UBE2E1: variants seen among roughly 807,000 people sequenced by gnomAD.
UBE2E1 encodes ubiquitin-conjugating enzyme E2 E1.
UBE2E1 carries 6 observed loss-of-function variants against 21.4 expected under a neutral mutation model. The observed-to-expected ratio is 0.28, with a 90% CI of 0.15 to 0.55. The LOEUF (loss-of-function observed/expected upper bound fraction) is 0.55. UBE2E1 is among the 20% of genes least tolerant of loss of function. UBE2E1 has a pLI of 0.93. For missense variants in UBE2E1, 142 were observed against 236.5 expected (o/e 0.60, Z 2.62); for synonymous variants, 87 against 82.7 (o/e 1.05, Z -0.28).
intron 3 of UBE2E1, among the ~76,000 whole-genome samples, chr3:23,832,306 G>A (rs1427056577): frequency 6.6e-6 from 1 of 152,204 alleles, no homozygotes; most frequent in African/African-American, 2.4e-5. Flanking sequence ...AAAGGAGAAG[G>A]GACTGTGTTT....
chr3:23,879,183 C>A, intron 3 of UBE2E1: 1 of 825,946 alleles, frequency 1.2e-6, no homozygotes, highest in South Asian at 1.3e-5. Context: ...TTCTTCCATC[C>A]TTCCACATCT....
chr3:23,810,468 A>T lies in UBE2E1; in HGVS notation c.153-992A>T, dbSNP rs1281778315. 1 of 1,535,662 alleles carries T rather than the reference A, an allele frequency of 6.5e-7. No individual in the cohort carries two copies. The highest frequency in any genetic ancestry group is 1.2e-5 in the South Asian group (1 of 84,054). ...AGTCTATCCCCAGTGTGAGCTAGAG[A>T]GCGGACCATGAAGGAAGTGGGCAGA... On this transcript the variant is annotated intron_variant, in intron 2 of 5. Coordinates refer to ENST00000306627, the MANE Select transcript of UBE2E1 (RefSeq NM_003341.5). The surrounding 1 kb of genome is among the most constrained non-coding windows in gnomAD (Gnocchi z 5.8).
Position 23,890,744 on chromosome 3 carries a change from A to C in UBE2E1, c.*138A>C. 1.3e-6 allele frequency: 1 copy of C among 753,002 alleles called. No individual in the cohort carries two copies. 46.6% of individuals were successfully genotyped at this position (753,002 alleles called of 1,614,324 possible). On this transcript the variant is annotated 3_prime_UTR_variant, in exon 6 of 6. Coordinates refer to ENST00000306627, the MANE Select transcript of UBE2E1 (RefSeq NM_003341.5). ...AGATATTATTCAGTCTTATTTCCTAAGATTTTGTTGTAACTTAAGGTATCT... is the reference window on the plus strand; with the variant it reads ...AGATATTATTCAGTCTTATTTCCTACGATTTTGTTGTAACTTAAGGTATCT...
intron 3 of UBE2E1, among the ~76,000 whole-genome samples, chr3:23,821,071 A>C (rs1420325217): frequency 3.9e-5 from 6 of 152,256 alleles, no homozygotes; most frequent in African/African-American, 1.4e-4. Context: ...TTAAAACATT[A>C]GAGTGTCTGC....
At chr3:23,867,041 C>A (rs553000894) in intron 3 of UBE2E1, among the ~76,000 whole-genome samples, 1 of 151,722 alleles carries the variant, frequency 6.6e-6, no homozygotes, top group East Asian at 1.9e-4. Flanking sequence ...ACAAACAAAT[C>A]ACTTAATCCT....
chr3:23,837,326 G>C (rs13099267), intron 3 of UBE2E1, among the ~76,000 whole-genome samples: 101,463 of 152,066 alleles, frequency 0.67, 34,252 homozygotes, highest in Non-Finnish European at 0.7. Flanking sequence ...ACAGGAGTCT[G>C]AGTGCTCTGT....
intron 4 of UBE2E1, among the ~76,000 whole-genome samples, chr3:23,888,744 G>C (rs774708366): frequency 2.0e-5 from 3 of 152,206 alleles, no homozygotes; most frequent in Non-Finnish European, 4.4e-5. Flanking sequence ...CAGTTTTTAA[G>C]AGGTATTTAT....
chr3:23,820,070 A>G (rs1478694073), intron 3 of UBE2E1, among the ~76,000 whole-genome samples: 1 of 152,186 alleles, frequency 6.6e-6, no homozygotes, highest in Non-Finnish European at 1.5e-5. Context: ...TGGTCCCCCA[A>G]GTCCTAAAGC....
intron 3 of UBE2E1, among the ~76,000 whole-genome samples, chr3:23,849,604 A>G (rs1700280632): frequency 6.6e-6 from 1 of 152,086 alleles, no homozygotes; most frequent in Admixed American, 6.6e-5. Flanking sequence ...GAGAACATGC[A>G]GTGTTTGGTT....
chr3:23,871,284 T>G (rs7432555), intron 3 of UBE2E1, among the ~76,000 whole-genome samples: 1 of 21,110 alleles, frequency 4.7e-5, no homozygotes, highest in Non-Finnish European at 8.4e-5. Context: ...CCTCCCGGAC[T>G]GGGCGGCTGG....
At chr3:23,878,871 A>C (rs1700976122) in intron 3 of UBE2E1, 1 of 318,444 alleles carries the variant, frequency 3.1e-6, no homozygotes, top group African/African-American at 2.2e-5. Context: ...AATAGAGTGC[A>C]CAATAAATAC....
At chr3:23,818,100 A>C (rs1334289881) in intron 3 of UBE2E1, among the ~76,000 whole-genome samples, 1 of 152,122 alleles carries the variant, frequency 6.6e-6, no homozygotes, top group East Asian at 1.9e-4. Context: ...AATCCATAGA[A>C]CTTAGCCACT....
At position 23,808,467 on chromosome 3, in the gene UBE2E1, A is replaced by T. The variant is rs988110662; in HGVS notation, c.152+1046A>T. On this transcript the variant is annotated intron_variant, in intron 2 of 5. Coordinates refer to ENST00000306627, the MANE Select transcript of UBE2E1 (RefSeq NM_003341.5). The surrounding 1 kb of genome is among the most constrained non-coding windows in gnomAD (Gnocchi z 4.9). ...TGGGATAGGGATACCCTTCTTAAAA[A>T]TTTTTAAAATAAAGTAGAACATGAG... Among the ~76,000 whole-genome samples, 4 of 152,216 alleles carry T rather than the reference A, an allele frequency of 2.6e-5. No individual in the cohort carries two copies. The highest frequency in any genetic ancestry group is 4.4e-5 in the Non-Finnish European group (3 of 68,036).
At chr3:23,890,334 G>A (rs964702643) in intron 5 of UBE2E1, among the ~76,000 whole-genome samples, 175 bp from the exon 6 acceptor site, 22 of 152,196 alleles carry the variant, frequency 1.4e-4, no homozygotes, top group African/African-American at 4.6e-4. Context: ...TTCCCCCAAC[G>A]TTATGTTTTT....
chr3:23,874,322 G>T (rs1201163036), intron 3 of UBE2E1, among the ~76,000 whole-genome samples: 1 of 152,158 alleles, frequency 6.6e-6, no homozygotes, highest in Non-Finnish European at 1.5e-5. Flanking sequence ...GAGGGTAGAG[G>T]TGTTAACAAT....
chr3:23,828,615 TTACAAAC>T (rs1425906237), intron 3 of UBE2E1, among the ~76,000 whole-genome samples: 1 of 152,220 alleles, frequency 6.6e-6, no homozygotes, highest in African/African-American at 2.4e-5. Context: ...TTGACTCAAA[TTACAAAC>T]TGAGCATTTA....
At chr3:23,889,773 ACAGCTACT>A (rs1216066054) in intron 5 of UBE2E1, 19 of 984,990 alleles carry the variant, frequency 1.9e-5, no homozygotes, top group Non-Finnish European at 2.3e-5. Context: ...TTCTGTAGTC[ACAGCTACT>A]AGGGTGGCTG....
intron 5 of UBE2E1, chr3:23,889,610 G>GCAAGC (rs1701304772): frequency 1.0e-6 from 1 of 985,084 alleles, no homozygotes; most frequent in Admixed American, 6.2e-5. Context: ...CATCTGCCTG[G>GCAAGC]CAAGCCTCAC....
At chr3:23,855,992 G>C (rs945457369) in intron 3 of UBE2E1, among the ~76,000 whole-genome samples, 13 of 152,240 alleles carry the variant, frequency 8.5e-5, no homozygotes, top group Middle Eastern at 3.4e-3. Flanking sequence ...ACTGGAATTT[G>C]CATGCTGTTC....
Sources: allele counts gnomAD v4.1 joint callset (sites outside exome capture counted in the v4.1 genomes callset), GRCh38; gene constraint gnomAD v4.1.1; non-coding constraint Gnocchi (gnomAD v3.1); transcripts MANE v1.5; gene names NCBI Gene and HGNC (gene_info 2026-07-23, HGNC 2026-07-21).